The following GOLGA7 variants were observed in gnomAD, a reference collection of about 807,000 sequenced individuals.
The protein encoded by GOLGA7 is golgin A7.
Under a neutral mutation model 21.1 loss-of-function variants are expected in GOLGA7, and 10 were observed. The ratio of observed to expected loss-of-function variants is 0.47; its 90% confidence interval spans 0.29 to 0.80. The LOEUF (loss-of-function observed/expected upper bound fraction) is 0.80. GOLGA7 is among the 30% of genes least tolerant of loss of function. The pLI, the probability that GOLGA7 is intolerant of heterozygous loss-of-function variation, is 0.08. For missense variants in GOLGA7, 114 were observed against 166.8 expected (o/e 0.68, Z 1.74); for synonymous variants, 64 against 62.6 (o/e 1.02, Z -0.10).
chr8:41,503,694 C>G (rs1585603471), intron 2 of GOLGA7, among the ~76,000 whole-genome samples: 3 of 101,942 alleles, frequency 2.9e-5, no homozygotes, highest in South Asian at 3.5e-4. Flanking sequence ...GCTTGTTTTT[C>G]TCAGGTTTGT....
intron 3 of GOLGA7, 138 bp from the exon 4 acceptor site, chr8:41,506,921 T>G: frequency 1.5e-6 from 1 of 671,272 alleles, no homozygotes; most frequent in East Asian, 2.7e-5. Context: ...AAAGCAAACT[T>G]AAGTAGGAAA....
chr8:41,490,994 C>G (rs1453437550), intron 1 of GOLGA7, 29 bp downstream of exon 1: 1 of 1,261,432 alleles, frequency 7.9e-7, no homozygotes, highest in East Asian at 2.5e-5. Context: ...CACGCCTGCT[C>G]TGGCGAGGGA....
intron 1 of GOLGA7, among the ~76,000 whole-genome samples, chr8:41,492,666 A>C (rs73616034): frequency 0.024 from 3,633 of 152,354 alleles, 145 homozygotes; most frequent in African/African-American, 0.084. Flanking sequence ...TTGTCTCAAA[A>C]AATAAATCAA....
chr8:41,494,498 T>C (rs1238369248), intron 1 of GOLGA7, among the ~76,000 whole-genome samples: 2 of 152,226 alleles, frequency 1.3e-5, no homozygotes, highest in South Asian at 2.1e-4. Flanking sequence ...TGTAGACTTA[T>C]CGGTGGACAA....
intron 1 of GOLGA7, among the ~76,000 whole-genome samples, chr8:41,491,349 C>T (rs1027206024): frequency 2.6e-4 from 40 of 152,182 alleles, no homozygotes; most frequent in African/African-American, 7.7e-4. Context: ...ATCCTCCTAC[C>T]TCTCCGCGCA....
chr8:41,497,701 A>G (rs958415832), intron 2 of GOLGA7, 40 bp downstream of exon 2: 1 of 1,133,498 alleles, frequency 8.8e-7, no homozygotes, highest in South Asian at 1.3e-5. Context: ...TCTTAAAATC[A>G]TGAAGAAGGC....
chr8:41,501,353 G>T (rs989268762), intron 2 of GOLGA7, among the ~76,000 whole-genome samples: 4 of 151,262 alleles, frequency 2.6e-5, no homozygotes. Context: ...CTGTCACCCG[G>T]GCTGGAATGC....
chr8:41,497,457 A>G, intron 1 of GOLGA7, 52 bp from the exon 2 acceptor site: 1 of 965,340 alleles, frequency 1.0e-6, no homozygotes, highest in Admixed American at 2.4e-5. Flanking sequence ...AGCATGCATT[A>G]GTTGATTTTT....
chr8:41,504,621 T>C (rs1806238329), intron 2 of GOLGA7, among the ~76,000 whole-genome samples: 1 of 152,230 alleles, frequency 6.6e-6, no homozygotes, highest in Non-Finnish European at 1.5e-5. Context: ...ATACTCCTAA[T>C]TTATTACGTA....
intron 3 of GOLGA7, among the ~76,000 whole-genome samples, chr8:41,506,800 G>A (rs67683968): frequency 0.14 from 21,597 of 152,046 alleles, 1,614 homozygotes; most frequent in African/African-American, 0.18. Flanking sequence ...ATAAAGCATC[G>A]TTTTCAGAAT....
At position 41,490,615 on chromosome 8, in the gene GOLGA7, C is replaced by A; in HGVS notation, c.-240C>A. 1 of 509,652 alleles carries A rather than the reference C, an allele frequency of 2.0e-6. No homozygotes were observed. Among genetic ancestry groups the A allele is most frequent in the Non-Finnish European group, 3.5e-6 (1 of 287,852 alleles). 31.6% of individuals were successfully genotyped at this position (509,652 alleles called of 1,614,324 possible). Reference sequence around the variant, plus strand: ...GACAGCAGCTGGAGGGCAGAGGAGGCGGGTTTGTGTTTCCCGGGCCGAACC... The same window carrying A: ...GACAGCAGCTGGAGGGCAGAGGAGGAGGGTTTGTGTTTCCCGGGCCGAACC... On this transcript the variant is annotated 5_prime_UTR_variant, in exon 1 of 5. Transcript: ENST00000357743.
chr8:41,508,083 T>A (rs1313578789), intron 4 of GOLGA7, among the ~76,000 whole-genome samples: 1 of 152,206 alleles, frequency 6.6e-6, no homozygotes, highest in Non-Finnish European at 1.5e-5. Context: ...GATTAAATGA[T>A]GTTCTCACAG....
intron 2 of GOLGA7, among the ~76,000 whole-genome samples, chr8:41,505,619 T>G (rs911718421): frequency 5.3e-5 from 8 of 152,204 alleles, no homozygotes; most frequent in African/African-American, 1.9e-4. Flanking sequence ...TATGCAGGAT[T>G]GAGGTGACTG....
In GOLGA7 at chr8:41,506,032, C is replaced by G. The variant is rs369833672; in HGVS notation, c.366+20C>G. 23 of 1,181,106 alleles carry G rather than the reference C, an allele frequency of 1.9e-5. No homozygotes were observed. In the African/African-American group the frequency reaches 2.9e-4, roughly 15 times the overall value. The allele number at this position is 1,181,106 out of a possible 1,614,324, so 73.2% of individuals were successfully genotyped here. On this transcript the variant is annotated intron_variant, in intron 3 of 4. Coordinates refer to ENST00000357743, the MANE Select transcript of GOLGA7 (RefSeq NM_001002296.2). The stretch of plus-strand genomic sequence containing the variant: ...CGAGTTGTATCTTTTTAGTTCGGAT[C>G]AGAAAGTCTAAATATTTATAACAAG...
rs1167981292 is a variant in GOLGA7 at position 41,510,371 on chromosome 8, C to T, written c.*803C>T. The T allele has an allele frequency of 3.9e-5, 6 of 152,450 alleles. No homozygotes were observed. Among genetic ancestry groups the T allele is most frequent in the African/African-American group, 1.5e-4 (6 of 41,364 alleles). 9.4% of individuals were successfully genotyped at this position (152,450 alleles called of 1,614,324 possible). On this transcript the variant is annotated 3_prime_UTR_variant, in exon 5 of 5. Transcript: ENST00000357743. ...AAACCATCAGACACATAAATGTTCC[C>T]GCTGTGTCCCTGGATATGGAATAAG...
At chr8:41,508,654 T>G (rs1402148211) in intron 4 of GOLGA7, among the ~76,000 whole-genome samples, 1 of 152,244 alleles carries the variant, frequency 6.6e-6, no homozygotes, top group African/African-American at 2.4e-5. Context: ...ATGTGTGAGG[T>G]TTGAGCAATT....
At chr8:41,492,658 G>T (rs917391976) in intron 1 of GOLGA7, among the ~76,000 whole-genome samples, 2 of 152,114 alleles carry the variant, frequency 1.3e-5, no homozygotes, top group Non-Finnish European at 2.9e-5. Flanking sequence ...CAAGACTCTT[G>T]TCTCAAAAAA....
chr8:41,507,065 AT>A lies in GOLGA7; in HGVS notation c.375del (p.Thr126ProfsTer8). 1 of 1,359,760 alleles carries A rather than the reference AT, an allele frequency of 7.4e-7. No homozygotes were observed. Among genetic ancestry groups the A allele is most frequent in the Non-Finnish European group, 1.1e-6 (1 of 947,890 alleles). The allele number at this position is 1,359,760 out of a possible 1,614,324, so 84.2% of individuals were successfully genotyped here. On this transcript the variant is annotated frameshift_variant, in exon 4 of 5. Transcript: ENST00000357743. LOFTEE classifies it high-confidence loss of function. Reference protein sequence around the residue: ...PIERGLRVIEITIYEDRGMSS... With the variant: ...PIERGLRVIEXTIYEDRGMSS... The stretch of plus-strand genomic sequence containing the variant: ...TAACAGCCATGCTGTTTAGATTGAA[AT>A]TACCATTTATGAAGACAGAGGCATG...
At chr8:41,508,755 A>G (rs980613845) in intron 4 of GOLGA7, among the ~76,000 whole-genome samples, 1 of 152,258 alleles carries the variant, frequency 6.6e-6, no homozygotes, top group African/African-American at 2.4e-5. Flanking sequence ...ACCCTCTTTC[A>G]TGAATGCAGA....
Sources: allele counts gnomAD v4.1 joint callset (sites outside exome capture counted in the v4.1 genomes callset), GRCh38; gene constraint gnomAD v4.1.1; transcripts MANE v1.5; gene names NCBI Gene and HGNC (gene_info 2026-07-23, HGNC 2026-07-21).